The following IL34 variants were observed in gnomAD, a reference collection of about 807,000 sequenced individuals.
The protein encoded by IL34 is interleukin 34.
In IL34, 17 loss-of-function variants were observed where a neutral mutation model predicts 25.3. That is an observed-to-expected ratio of 0.67 (90% confidence interval 0.46 to 1.01). IL34 has a LOEUF of 1.01. Ranked by LOEUF, IL34 falls within the 50% of genes least tolerant of loss-of-function variation. The probability of loss-of-function intolerance (pLI) is 0.00; values close to 1 mark genes in which losing one functional copy is unlikely to be tolerated. For synonymous variants in IL34, 174 were observed against 140.9 expected, an observed-to-expected ratio of 1.23 and a Z score of -1.66; for missense variants, 368 against 312.9, an observed-to-expected ratio of 1.18 and a Z score of -1.33.
intron 1 of IL34, among the ~76,000 whole-genome samples, chr16:70,630,902 C>T (rs1400910164): frequency 1.3e-5 from 2 of 152,226 alleles, no homozygotes; most frequent in African/African-American, 4.8e-5. Flanking sequence ...TGCTGATGGG[C>T]ACTCAGTTTG....
At position 70,627,578 on chromosome 16, in the gene IL34, C is replaced by T. The variant is rs372236103; in HGVS notation, c.-400-18970C>T. Among the ~76,000 whole-genome samples, 9 of 152,102 alleles carry T rather than the reference C, an allele frequency of 5.9e-5. No individual in the cohort carries two copies. The East Asian group carries it at 9.7e-4, about 16-fold the overall frequency. ...CTCACTGCAGCCTCTGTCTCCTGGACTCAAGCAGTCCTCCCAAGTAGCTGG... is the reference window on the plus strand; with the variant it reads ...CTCACTGCAGCCTCTGTCTCCTGGATTCAAGCAGTCCTCCCAAGTAGCTGG... On this transcript the variant is annotated intron_variant, in intron 1 of 6. Transcript: ENST00000429149.
chr16:70,596,958 C>T (rs1485085925), intron 1 of IL34, among the ~76,000 whole-genome samples: 1 of 152,072 alleles, frequency 6.6e-6, no homozygotes, highest in Non-Finnish European at 1.5e-5. Flanking sequence ...TACTCCATTG[C>T]CTCCACAGGG....
chr16:70,621,587 C>T (rs542440808), intron 1 of IL34, among the ~76,000 whole-genome samples: 2 of 152,174 alleles, frequency 1.3e-5, no homozygotes, highest in South Asian at 2.1e-4. Context: ...GGAGGTCCCC[C>T]GATCCGAGTC....
chr16:70,645,532 G>C (rs1005323582), upstream of IL34, among the ~76,000 whole-genome samples: 4 of 152,220 alleles, frequency 2.6e-5, no homozygotes, highest in African/African-American at 9.7e-5. Flanking sequence ...AGACCTTGCA[G>C]AGTCCAGAGG....
chr16:70,650,860 G>T (rs564760407), intron 1 of IL34, among the ~76,000 whole-genome samples: 4 of 152,296 alleles, frequency 2.6e-5, no homozygotes, highest in African/African-American at 7.2e-5. Context: ...TCTACTGCTT[G>T]AGGCGAATCC....
chr16:70,613,113 G>C (rs1355529431), intron 1 of IL34, among the ~76,000 whole-genome samples: 3 of 152,200 alleles, frequency 2.0e-5, no homozygotes, highest in Non-Finnish European at 4.4e-5. Flanking sequence ...GTCTTCTTCA[G>C]GTTCCCACAG....
At chr16:70,580,041 C>T (rs142934786) in exon 1 of IL34, 4 of 152,410 alleles carry the variant, frequency 2.6e-5, no homozygotes, top group East Asian at 1.9e-4. Flanking sequence ...AGTCTTGGCA[C>T]GTGAACAGGT....
intron 1 of IL34, 187 bp from the exon 2 acceptor site, chr16:70,654,351 C>T: frequency 1.5e-6 from 1 of 677,130 alleles, no homozygotes; most frequent in Non-Finnish European, 2.4e-6. Context: ...TAGTGCCTGC[C>T]TGACCTTGCT....
At chr16:70,594,626 GC>G (rs1412651683) in intron 1 of IL34, among the ~76,000 whole-genome samples, 1 of 152,116 alleles carries the variant, frequency 6.6e-6, no homozygotes, top group Non-Finnish European at 1.5e-5. Context: ...ATTCTGCCTG[GC>G]AGGTCTTATT....
At chr16:70,637,419 G>C (rs1343767407) in intron 1 of IL34, among the ~76,000 whole-genome samples, 1 of 152,084 alleles carries the variant, frequency 6.6e-6, no homozygotes, top group Non-Finnish European at 1.5e-5. Context: ...TGTGATCTCA[G>C]CTCACTGCAA....
intron 1 of IL34, among the ~76,000 whole-genome samples, chr16:70,587,541 G>A (rs1469078245): frequency 6.6e-6 from 1 of 151,988 alleles, no homozygotes; most frequent in Non-Finnish European, 1.5e-5. Flanking sequence ...AAAGGGCTGG[G>A]ATTACAGGTG....
intron 1 of IL34, among the ~76,000 whole-genome samples, chr16:70,600,699 A>C (rs747989315): frequency 3.3e-5 from 5 of 152,228 alleles, no homozygotes; most frequent in Admixed American, 6.5e-5. Flanking sequence ...GGCTTGACGA[A>C]ATGAGGTGTA....
chr16:70,645,567 A>G (rs1312893479), upstream of IL34, among the ~76,000 whole-genome samples: 3 of 152,160 alleles, frequency 2.0e-5, no homozygotes, highest in African/African-American at 7.2e-5. Context: ...CCACGCACAC[A>G]CGCTGAGCCC....
intron 1 of IL34, among the ~76,000 whole-genome samples, chr16:70,595,738 G>GT (rs1478403289): frequency 6.6e-6 from 1 of 152,114 alleles, no homozygotes; most frequent in Non-Finnish European, 1.5e-5. Context: ...CCGGCTGGGC[G>GT]TGGTGGCTCA....
At chr16:70,585,715 A>G (rs2050686293) in intron 1 of IL34, among the ~76,000 whole-genome samples, 2 of 146,232 alleles carry the variant, frequency 1.4e-5, no homozygotes, top group Admixed American at 1.4e-4. Context: ...TTTTTTTTTT[A>G]GAGACAGGGT....
In IL34 at chr16:70,654,602, G is replaced by A. The variant is rs1346757875; in HGVS notation, c.93G>A (p.Gln31=). 1.9e-6 allele frequency: 3 copies of A among 1,613,780 alleles called. No individual in the cohort carries two copies. Among genetic ancestry groups the A allele is most frequent in the Non-Finnish European group, 2.5e-6 (3 of 1,179,768 alleles). ...CTTTGGAGATGTGGCCCTTGACGCA[G>A]AATGAGGAGTGCACTGTCACGGGTT... The part of the protein sequence containing the change: ...NEPLEMWPLT[Q]NEECTVTGFL... The change falls in exon 2 of 6, where the codon CAG becomes CAA. Residue 31 remains glutamine, a synonymous_variant. Coordinates refer to ENST00000288098, the MANE Select transcript of IL34 (RefSeq NM_001393494.1).
At position 70,646,673 on chromosome 16, in the gene IL34, C is replaced by T; in HGVS notation, c.-275C>T. On this transcript the variant is annotated 5_prime_UTR_variant, in exon 1 of 6. Coordinates refer to ENST00000288098, the MANE Select transcript of IL34 (RefSeq NM_001393494.1). ...CCTTGGAAAGGAAGACCCCGAAAGACCCCCAAGCCACCGGCTCAGACCTGC... is the reference window on the plus strand; with the variant it reads ...CCTTGGAAAGGAAGACCCCGAAAGATCCCCAAGCCACCGGCTCAGACCTGC... The T allele has an allele frequency of 2.3e-6, 1 of 439,664 alleles. No individual in the cohort carries two copies. Among genetic ancestry groups the T allele is most frequent in the East Asian group, 3.6e-5 (1 of 27,402 alleles). 27.2% of individuals were successfully genotyped at this position (439,664 alleles called of 1,614,324 possible).
chr16:70,581,218 G>A (rs1421966175), intron 1 of IL34, among the ~76,000 whole-genome samples: 2 of 152,060 alleles, frequency 1.3e-5, no homozygotes. Flanking sequence ...GGCCAACTTT[G>A]CACTTACTTT....
chr16:70,660,290 G>A lies in IL34; in HGVS notation c.*103G>A. 9.1e-7 allele frequency: 1 copy of A among 1,094,324 alleles called. No homozygotes were observed. Among genetic ancestry groups the A allele is most frequent in the Non-Finnish European group, 1.3e-6 (1 of 786,732 alleles). The allele number at this position is 1,094,324 out of a possible 1,614,324, so 67.8% of individuals were successfully genotyped here. On this transcript the variant is annotated 3_prime_UTR_variant, in exon 6 of 6. Coordinates refer to ENST00000288098, the MANE Select transcript of IL34 (RefSeq NM_001393494.1). ...GGGTGGTGGTGGGAGCCCCCCTTGG[G>A]AGAGGACCCCTGGGAAGGGTGTTTT...
Sources: allele counts gnomAD v4.1 joint callset (sites outside exome capture counted in the v4.1 genomes callset), GRCh38; gene constraint gnomAD v4.1.1; transcripts MANE v1.5; gene names NCBI Gene and HGNC (gene_info 2026-07-23, HGNC 2026-07-21).